The following GABRG3 variants were observed in gnomAD, a reference collection of about 807,000 sequenced individuals.
GABRG3 encodes the protein gamma-aminobutyric acid type A receptor subunit gamma3.
A neutral mutation model predicts 48.8 loss-of-function variants in GABRG3; 25 were observed. The observed-to-expected ratio is 0.51, with a 90% CI of 0.37 to 0.72. The LOEUF is 0.72. GABRG3 is among the 30% of genes least tolerant of loss of function. The pLI is 0.00. For missense variants in GABRG3, 394 were observed against 577.9 expected (o/e 0.68, Z 3.26); for synonymous variants, 227 against 217.6 (o/e 1.04, Z -0.38).
At chr15:27,009,160 T>C (rs1183248141) in intron 2 of GABRG3, among the ~76,000 whole-genome samples, 1 of 152,142 alleles carries the variant, frequency 6.6e-6, no homozygotes, top group Non-Finnish European at 1.5e-5. Context: ...AGGTGCACAC[T>C]GGACTGCTGC....
intron 7 of GABRG3, among the ~76,000 whole-genome samples, chr15:27,524,318 A>G (rs1891225400): frequency 6.6e-6 from 1 of 152,056 alleles, no homozygotes; most frequent in African/African-American, 2.4e-5. Context: ...CCATTCTCGG[A>G]CAAAGAAGAA....
intron 3 of GABRG3, among the ~76,000 whole-genome samples, chr15:27,219,947 G>C (rs548418403): frequency 1.3e-5 from 2 of 152,248 alleles, no homozygotes; most frequent in South Asian, 2.1e-4. Context: ...CATTTTACTA[G>C]TTAGTAGGGG....
intron 6 of GABRG3, among the ~76,000 whole-genome samples, chr15:27,493,468 C>T (rs909880272): frequency 6.6e-6 from 1 of 151,598 alleles, no homozygotes; most frequent in East Asian, 1.9e-4. Flanking sequence ...CAATTTTGTA[C>T]GATTGATGTT....
intron 3 of GABRG3, among the ~76,000 whole-genome samples, chr15:27,166,358 T>C (rs1463650270): frequency 2.0e-5 from 3 of 152,192 alleles, no homozygotes; most frequent in Non-Finnish European, 2.9e-5. Context: ...TTTGCTCTTT[T>C]AAAAAATCAA....
intron 3 of GABRG3, among the ~76,000 whole-genome samples, chr15:27,078,611 A>T (rs1488726448): frequency 6.6e-6 from 1 of 152,226 alleles, no homozygotes; most frequent in Non-Finnish European, 1.5e-5. Flanking sequence ...ATCTCTGTAG[A>T]TGTAACACCA....
intron 6 of GABRG3, among the ~76,000 whole-genome samples, chr15:27,484,636 T>C (rs1890177762): frequency 1.3e-5 from 2 of 152,126 alleles, no homozygotes; most frequent in African/African-American, 2.4e-5. Flanking sequence ...CCAGGGCTCC[T>C]TGGAGAAGTG....
At chr15:27,525,377 C>A (rs1891250551) in intron 7 of GABRG3, among the ~76,000 whole-genome samples, 2 of 152,162 alleles carry the variant, frequency 1.3e-5, no homozygotes, top group Non-Finnish European at 2.9e-5. Flanking sequence ...GCTGAGATAA[C>A]CTTCCTGAAG....
chr15:27,493,641 A>C (rs1890411668), intron 6 of GABRG3, among the ~76,000 whole-genome samples: 1 of 152,202 alleles, frequency 6.6e-6, no homozygotes, highest in East Asian at 1.9e-4. Context: ...CAGAGATAGA[A>C]ATATATTATT....
At chr15:27,399,249 C>A (rs1377170312) in intron 5 of GABRG3, among the ~76,000 whole-genome samples, 1 of 151,992 alleles carries the variant, frequency 6.6e-6, no homozygotes, top group African/African-American at 2.4e-5. Context: ...TTGAGAAGAC[C>A]CTGAAAACAA....
intron 3 of GABRG3, among the ~76,000 whole-genome samples, chr15:27,219,309 A>G (rs1595593641): frequency 1.3e-5 from 2 of 150,798 alleles, no homozygotes. Context: ...GTTTGGGACC[A>G]TTGTTTGTGC....
chr15:27,075,467 A>T (rs1044613433), intron 3 of GABRG3, among the ~76,000 whole-genome samples: 4 of 152,210 alleles, frequency 2.6e-5, no homozygotes, highest in Admixed American at 6.5e-5. Context: ...TGAATAAGTT[A>T]TAAAATTTAT....
chr15:27,095,863 C>G (rs550621723), intron 3 of GABRG3, among the ~76,000 whole-genome samples: 3 of 152,092 alleles, frequency 2.0e-5, no homozygotes, highest in South Asian at 4.1e-4. Context: ...GATGCCTGAT[C>G]CCTTCTCTGC....
intron 3 of GABRG3, among the ~76,000 whole-genome samples, chr15:27,140,972 C>T (rs1049909766): frequency 3.9e-5 from 6 of 152,132 alleles, no homozygotes; most frequent in African/African-American, 7.2e-5. Context: ...CATATTTTCT[C>T]GCGGTAGAGT....
intron 5 of GABRG3, among the ~76,000 whole-genome samples, chr15:27,459,980 C>G (rs887062637): frequency 2.0e-5 from 3 of 151,988 alleles, no homozygotes; most frequent in Admixed American, 2.0e-4. Context: ...TTACAGGAGT[C>G]CCTCTATGTC....
intron 5 of GABRG3, among the ~76,000 whole-genome samples, chr15:27,444,375 A>G (rs767207294): frequency 6.6e-6 from 1 of 152,184 alleles, no homozygotes; most frequent in Non-Finnish European, 1.5e-5. Flanking sequence ...CCAAATTAAA[A>G]TATTTAACCA....
intron 3 of GABRG3, among the ~76,000 whole-genome samples, chr15:27,163,675 T>A (rs777463274): frequency 6.6e-6 from 1 of 152,200 alleles, no homozygotes; most frequent in Non-Finnish European, 1.5e-5. Flanking sequence ...ATGGTGGCCA[T>A]ATCCACACTC....
chr15:27,060,480 G>C (rs1206394068), intron 3 of GABRG3, among the ~76,000 whole-genome samples: 1 of 152,228 alleles, frequency 6.6e-6, no homozygotes, highest in African/African-American at 2.4e-5. Context: ...ATCCCTGCTT[G>C]TAAGGACTCA....
intron 3 of GABRG3, among the ~76,000 whole-genome samples, chr15:27,096,850 T>TTC (rs1434069626): frequency 6.7e-6 from 1 of 149,478 alleles, no homozygotes; most frequent in Non-Finnish European, 1.5e-5. Context: ...TTTTTTTTTT[T>TTC]TTTTTTGGGA....
intron 2 of GABRG3, among the ~76,000 whole-genome samples, chr15:26,978,042 A>G (rs906536501): frequency 5.9e-5 from 9 of 152,150 alleles, no homozygotes; most frequent in African/African-American, 9.7e-5. Flanking sequence ...TAATAGGTTG[A>G]TACCTCATTG....
Sources: allele counts gnomAD v4.1 joint callset (sites outside exome capture counted in the v4.1 genomes callset), GRCh38; gene constraint gnomAD v4.1.1; transcripts MANE v1.5; gene names NCBI Gene and HGNC (gene_info 2026-07-23, HGNC 2026-07-21).